Variants in MED12L observed in about 807,000 individuals in gnomAD.
MED12L encodes mediator complex subunit 12L, also known as mediator of RNA polymerase II transcription subunit 12-like protein.
Under a neutral mutation model 281.3 loss-of-function variants are expected in MED12L, and 60 were observed. The observed-to-expected ratio is 0.21, with a 90% CI of 0.17 to 0.26. MED12L has a LOEUF of 0.26. Among genes scored for constraint, MED12L ranks in the 10% least tolerant of loss-of-function variants. The probability of loss-of-function intolerance (pLI) is 1.00; values close to 1 mark genes in which losing one functional copy is unlikely to be tolerated. For synonymous variants in MED12L, 974 were observed against 987.2 expected (o/e 0.99, Z 0.25); for missense variants, 2,146 against 2,680.9 (o/e 0.80, Z 4.41).
At chr3:151,267,332 A>G (rs1488355475) in intron 16 of MED12L, among the ~76,000 whole-genome samples, 1 of 152,208 alleles carries the variant, frequency 6.6e-6, no homozygotes, top group Non-Finnish European at 1.5e-5. Context: ...ACTTCATGAG[A>G]AAAGGAATTT....
chr3:151,369,287 T>C (rs1237008852), intron 25 of MED12L, 149 bp from the exon 26 acceptor site: 5 of 501,666 alleles, frequency 1.0e-5, no homozygotes, highest in Non-Finnish European at 1.8e-5. Flanking sequence ...TGGCCATGTT[T>C]CTTAGTGAAT....
intron 3 of MED12L, among the ~76,000 whole-genome samples, chr3:151,122,060 T>TA (rs1201633715): frequency 6.6e-6 from 1 of 152,190 alleles, no homozygotes; most frequent in Non-Finnish European, 1.5e-5. Flanking sequence ...GCCTTCTTGT[T>TA]ACTTCTTTCC....
chr3:151,231,459 C>T (rs1274689293), intron 16 of MED12L, among the ~76,000 whole-genome samples: 2 of 152,124 alleles, frequency 1.3e-5, no homozygotes, highest in African/African-American at 2.4e-5. Context: ...CATCGTATGC[C>T]TCCTGATATG....
chr3:151,271,831 T>G (rs1741006789), intron 16 of MED12L, among the ~76,000 whole-genome samples: 1 of 152,206 alleles, frequency 6.6e-6, no homozygotes, highest in Non-Finnish European at 1.5e-5. Flanking sequence ...AACTAAGCTC[T>G]AATGAGAGAA....
rs188818370 is a variant in MED12L, at chr3:151,391,898, G to A, written c.5608+1763G>A. On this transcript the variant is annotated intron_variant, in intron 38 of 44. Coordinates refer to ENST00000687756, the MANE Select transcript of MED12L (RefSeq NM_001393769.1). ...GTGAATGAATATAGACTACAAACTA[G>A]ACTCAGAGTGAAAAAGAAGGATGCA... 2.6e-4 allele frequency among the ~76,000 whole-genome samples: 40 copies of A among 152,266 alleles called. No individual in the cohort carries two copies. The East Asian group carries it at 6.8e-3, about 26-fold the overall frequency.
chr3:151,113,038 A>G (rs1447238990), intron 2 of MED12L, among the ~76,000 whole-genome samples: 2 of 152,234 alleles, frequency 1.3e-5, no homozygotes, highest in Non-Finnish European at 2.9e-5. Flanking sequence ...GAGACAGCCA[A>G]TACACATTCT....
chr3:151,340,706 A>C (rs1488053612), intron 16 of MED12L: 2 of 152,608 alleles, frequency 1.3e-5, no homozygotes, highest in African/African-American at 2.4e-5. Context: ...TTAGTTGCCA[A>C]ACCTCTTTGT....
At chr3:151,275,510 A>C (rs1016608970) in intron 16 of MED12L, among the ~76,000 whole-genome samples, 2 of 152,232 alleles carry the variant, frequency 1.3e-5, no homozygotes, top group African/African-American at 4.8e-5. Flanking sequence ...AAAGGAATCT[A>C]ATCAGATCTA....
At chr3:151,383,516 A>C (rs1427972410) in intron 33 of MED12L, among the ~76,000 whole-genome samples, 1 of 152,360 alleles carries the variant, frequency 6.6e-6, no homozygotes, top group Non-Finnish European at 1.5e-5. Context: ...TTGGAACAAA[A>C]GAAAGCTAAG....
chr3:151,130,356 T>C (rs953978195), intron 5 of MED12L, among the ~76,000 whole-genome samples: 8 of 152,326 alleles, frequency 5.3e-5, no homozygotes, highest in Admixed American at 4.6e-4. Context: ...AATCTTGTCA[T>C]CTTTACTTTC....
At chr3:151,238,137 T>TTTCTTC (rs1553753437) in intron 16 of MED12L, among the ~76,000 whole-genome samples, 1 of 149,500 alleles carries the variant, frequency 6.7e-6, no homozygotes, top group Non-Finnish European at 1.5e-5. Flanking sequence ...ACATTTTTTC[T>TTTCTTC]TTTTTCTTTT....
intron 16 of MED12L, among the ~76,000 whole-genome samples, chr3:151,342,365 G>C (rs952756464): frequency 6.6e-6 from 1 of 152,148 alleles, no homozygotes; most frequent in Non-Finnish European, 1.5e-5. Flanking sequence ...AACACGTTTT[G>C]GTTTTTTCTT....
At chr3:151,338,001 C>G (rs760509900) in intron 16 of MED12L, 7 of 1,614,128 alleles carry the variant, frequency 4.3e-6, no homozygotes, top group South Asian at 2.2e-5. Context: ...CCACAGAGTG[C>G]TCTCTTTCAC....
intron 39 of MED12L, 114 bp from the exon 40 acceptor site, chr3:151,409,129 G>T: frequency 1.4e-6 from 1 of 729,834 alleles, no homozygotes; most frequent in South Asian, 1.9e-5. Flanking sequence ...GAAAATCTTT[G>T]AGTTCTTTAT....
chr3:151,258,665 C>T (rs1738279270), intron 16 of MED12L, among the ~76,000 whole-genome samples: 2 of 152,060 alleles, frequency 1.3e-5, no homozygotes, highest in Non-Finnish European at 2.9e-5. Flanking sequence ...GCCTGATCAA[C>T]ATGGTGAAAC....
At chr3:151,198,462 G>T (rs1483606964) in intron 16 of MED12L, 1 of 1,605,250 alleles carries the variant, frequency 6.2e-7, no homozygotes, top group South Asian at 1.1e-5. Context: ...TTTTCTTTCT[G>T]AGCCTTGGTC....
rs989930105 is a variant in MED12L at position 151,185,554 on chromosome 3, C to A, written c.1626+93C>A. The A allele has an allele frequency of 3.7e-6, 5 of 1,357,310 alleles. No individual in the cohort carries two copies. In the African/African-American group the frequency reaches 7.3e-5, roughly 20 times the overall value. 84.1% of individuals were successfully genotyped at this position (1,357,310 alleles called of 1,614,324 possible). ...TTTCTCTTACCCTCATTATGTTATT[C>A]TTTTGCTCTTGAGGAAAAAAGGGAG... is the stretch of plus-strand genomic sequence containing the variant. On this transcript the variant is annotated intron_variant, in intron 12 of 44. Transcript: ENST00000687756.
At chr3:151,107,060 A>G (rs1431378383) in intron 2 of MED12L, among the ~76,000 whole-genome samples, 1 of 147,024 alleles carries the variant, frequency 6.8e-6, no homozygotes, top group South Asian at 2.1e-4. Flanking sequence ...CTTTGGGTCT[A>G]CCATTTTACT....
At chr3:151,314,422 C>T (rs938965265) in intron 16 of MED12L, among the ~76,000 whole-genome samples, 3 of 152,180 alleles carry the variant, frequency 2.0e-5, no homozygotes, top group Admixed American at 6.5e-5. Flanking sequence ...GGGTGCATCT[C>T]ATCTAGTTTT....
Sources: allele counts gnomAD v4.1 joint callset (sites outside exome capture counted in the v4.1 genomes callset), GRCh38; gene constraint gnomAD v4.1.1; transcripts MANE v1.5; gene names NCBI Gene and HGNC (gene_info 2026-07-23, HGNC 2026-07-21).